Variants in GABRA3 observed in about 807,000 individuals in gnomAD.
GABRA3 encodes gamma-aminobutyric acid type A receptor subunit alpha3, also known as gamma-aminobutyric acid receptor subunit alpha-3.
A neutral mutation model predicts 30.1 loss-of-function variants in GABRA3; 10 were observed. That is an observed-to-expected ratio of 0.33 (90% CI 0.20 to 0.56). The LOEUF (loss-of-function observed/expected upper bound fraction) is 0.56, where lower values mean the gene tolerates loss of function less well. Among genes scored for constraint, GABRA3 ranks in the 20% least tolerant of loss-of-function variants. The pLI is 0.89. For missense variants in GABRA3, 233 were observed against 392.0 expected, an observed-to-expected ratio of 0.59 and a Z score of 3.42; for synonymous variants, 151 against 146.8, an observed-to-expected ratio of 1.03 and a Z score of -0.21.
chrX:152,181,824 T>TA (rs111733044), intron 9 of GABRA3, among the ~76,000 whole-genome samples: 31,366 of 106,556 alleles, frequency 0.29, 3,858 homozygotes, highest in African/African-American at 0.42. Flanking sequence ...AGTATAATAA[T>TA]AAAAAAAAAG....
intron 5 of GABRA3, among the ~76,000 whole-genome samples, chrX:152,250,264 G>A (rs1938529928): frequency 9.0e-6 from 1 of 111,194 alleles, no homozygotes; most frequent in Non-Finnish European, 1.9e-5. Flanking sequence ...CTGTGCACAG[G>A]TCTCTTTAAC....
In GABRA3 at chrX:152,346,772, A is replaced by G. The variant is rs584473; in HGVS notation, c.141-1070T>C. On this transcript the variant is annotated intron_variant, in intron 2 of 9. Coordinates refer to ENST00000370314, the MANE Select transcript of GABRA3 (RefSeq NM_000808.4). The stretch of plus-strand genomic sequence containing the variant: ...TATCACTGATCATCAGAGAAATGCA[A>G]ATCACAACTACAATAACATATCATC... Among the ~76,000 whole-genome samples, 4 of 112,142 alleles carry G rather than the reference A, an allele frequency of 3.6e-5. No individual in the cohort carries two copies. The Admixed American group carries it at 3.8e-4, about 11-fold the overall frequency.
intron 5 of GABRA3, among the ~76,000 whole-genome samples, chrX:152,229,765 T>A (rs776490717): frequency 1.8e-5 from 2 of 111,009 alleles, no homozygotes; most frequent in South Asian, 7.6e-4. Context: ...GAGTGAAATA[T>A]AGAGGCACTG....
At chrX:152,177,947 T>C (rs931845300) in intron 9 of GABRA3, among the ~76,000 whole-genome samples, 1 of 111,767 alleles carries the variant, frequency 8.9e-6, no homozygotes, top group East Asian at 2.8e-4. Context: ...GAGTAAACAG[T>C]GGCCTGGAAG....
At chrX:152,237,687 C>T (rs749027822) in intron 5 of GABRA3, among the ~76,000 whole-genome samples, 4 of 105,253 alleles carry the variant, frequency 3.8e-5, no homozygotes, top group African/African-American at 1.4e-4. Flanking sequence ...GTTTGTGGTT[C>T]TCCTTGAAGA....
At chrX:152,315,218 C>T (rs193020911) in intron 3 of GABRA3, among the ~76,000 whole-genome samples, 1 of 111,500 alleles carries the variant, frequency 9.0e-6, no homozygotes, top group African/African-American at 3.3e-5. Context: ...TCATCTGCCC[C>T]CAAACACACA....
chrX:152,395,882 A>G (rs1178597372), intron 1 of GABRA3, among the ~76,000 whole-genome samples: 1 of 112,090 alleles, frequency 8.9e-6, no homozygotes, highest in Non-Finnish European at 1.9e-5. Context: ...ACAGAGAACT[A>G]AGCTGTAGTG....
intron 4 of GABRA3, among the ~76,000 whole-genome samples, chrX:152,262,769 T>C (rs776528102): frequency 9.2e-4 from 103 of 111,812 alleles, no homozygotes; most frequent in Admixed American, 1.9e-3. Context: ...CTCCAAACTG[T>C]TTCAACCTCT....
chrX:152,332,276 T>C (rs191046122), intron 3 of GABRA3, among the ~76,000 whole-genome samples: 3 of 112,259 alleles, frequency 2.7e-5, no homozygotes, highest in African/African-American at 9.7e-5. Flanking sequence ...TCTCTCTTCA[T>C]AATGCATAGA....
chrX:152,423,312 T>A (rs1602722324), intron 1 of GABRA3, among the ~76,000 whole-genome samples: 1 of 111,756 alleles, frequency 8.9e-6, no homozygotes, highest in Non-Finnish European at 1.9e-5. Context: ...ATTAGTTATT[T>A]TAACAAACCT....
chrX:152,249,979 A>C (rs1326152440), intron 5 of GABRA3, among the ~76,000 whole-genome samples: 1 of 110,964 alleles, frequency 9.0e-6, no homozygotes, highest in East Asian at 2.8e-4. Context: ...TCTCACAAAG[A>C]AGCATGGATT....
At chrX:152,198,407 C>G (rs773346409) in intron 7 of GABRA3, among the ~76,000 whole-genome samples, 1 of 112,769 alleles carries the variant, frequency 8.9e-6, no homozygotes, top group Admixed American at 9.3e-5. Flanking sequence ...AGAGTGAGCA[C>G]TTACTGCGCT....
intron 1 of GABRA3, among the ~76,000 whole-genome samples, chrX:152,420,039 T>C (rs1448547880): frequency 1.8e-5 from 2 of 112,006 alleles, no homozygotes; most frequent in Non-Finnish European, 3.8e-5. Context: ...ATCAACTCAA[T>C]AGATGTAGAA....
intron 6 of GABRA3, among the ~76,000 whole-genome samples, chrX:152,215,212 T>C (rs888179817): frequency 1.8e-5 from 2 of 109,046 alleles, no homozygotes; most frequent in Non-Finnish European, 3.8e-5. Flanking sequence ...GTGGTGAGAC[T>C]GGGTATCCTT....
At chrX:152,200,959 T>G (rs374984331) in intron 7 of GABRA3, among the ~76,000 whole-genome samples, 1 of 112,032 alleles carries the variant, frequency 8.9e-6, no homozygotes. Flanking sequence ...TAGTAAGAAC[T>G]GACACCTAGG....
chrX:152,339,724 G>C (rs1052669511), intron 3 of GABRA3, among the ~76,000 whole-genome samples: 1 of 110,351 alleles, frequency 9.1e-6, no homozygotes, highest in Non-Finnish European at 1.9e-5. Flanking sequence ...TCTAATTCGG[G>C]CGTTGTTGAA....
chrX:152,286,279 C>T (rs1016755366), intron 3 of GABRA3, among the ~76,000 whole-genome samples: 6 of 107,994 alleles, frequency 5.6e-5, no homozygotes, highest in African/African-American at 2.0e-4. Flanking sequence ...GCCCTACTTA[C>T]CCCCACTGCA....
intron 6 of GABRA3, among the ~76,000 whole-genome samples, chrX:152,216,741 T>C (rs1603212842): frequency 1.8e-5 from 2 of 109,910 alleles, no homozygotes; most frequent in South Asian, 7.8e-4. Flanking sequence ...TCTGGTGTGC[T>C]ATTGTGCAGA....
intron 3 of GABRA3, among the ~76,000 whole-genome samples, chrX:152,307,055 G>A (rs1939730222): frequency 9.0e-6 from 1 of 110,606 alleles, no homozygotes; most frequent in Non-Finnish European, 1.9e-5. Context: ...CGTACCTCAT[G>A]AATGAGGTAT....
Sources: allele counts gnomAD v4.1 joint callset (sites outside exome capture counted in the v4.1 genomes callset), GRCh38; gene constraint gnomAD v4.1.1; transcripts MANE v1.5; gene names NCBI Gene and HGNC (gene_info 2026-07-23, HGNC 2026-07-21).